Variants in COL6A1 observed in about 807,000 individuals in gnomAD.
COL6A1 encodes the protein collagen alpha-1(VI) chain.
A neutral mutation model predicts 145.6 loss-of-function variants in COL6A1; 80 were observed. That is an observed-to-expected ratio of 0.55 (90% CI 0.46 to 0.66). The LOEUF (loss-of-function observed/expected upper bound fraction) is 0.66. COL6A1 is among the 30% of genes least tolerant of loss of function. The pLI is 0.00. For synonymous variants in COL6A1, 638 were observed against 622.8 expected (o/e 1.02, Z -0.36); for missense variants, 1,364 against 1,473.8 (o/e 0.93, Z 1.22).
Position 46,004,034 on chromosome 21 carries a change from C to T in COL6A1, c.*21C>T. On this transcript the variant is annotated 3_prime_UTR_variant, in exon 35 of 35. Coordinates refer to ENST00000361866, the MANE Select transcript of COL6A1 (RefSeq NM_001848.3). ...GCTAGCCCACCCTGCACGCCGGCAC[C>T]AAACCCTGTCCTCCCACCCCTCCCC... is the stretch of plus-strand genomic sequence containing the variant. 1 of 1,612,938 alleles carries T rather than the reference C, an allele frequency of 6.2e-7. No homozygotes were observed. The highest frequency in any genetic ancestry group is 8.5e-7 in the Non-Finnish European group (1 of 1,179,954).
intron 4 of COL6A1, 57 bp from the exon 5 acceptor site, chr21:45,986,886 CG>C: frequency 1.3e-6 from 2 of 1,534,446 alleles, no homozygotes; most frequent in Non-Finnish European, 1.7e-6. Flanking sequence ...CTGTGGGAAG[CG>C]GCCCCGGCCG....
chr21:45,998,025 G>A, intron 22 of COL6A1, 96 bp from the exon 23 acceptor site: 1 of 1,472,278 alleles, frequency 6.8e-7, no homozygotes, highest in Middle Eastern at 2.1e-4. Flanking sequence ...GGCTGACGGA[G>A]GGGCCCTGCG....
intron 24 of COL6A1, among the ~76,000 whole-genome samples, 176 bp from the exon 25 acceptor site, chr21:45,998,721 C>A (rs760586418): frequency 6.6e-6 from 1 of 152,250 alleles, no homozygotes; most frequent in South Asian, 2.1e-4. Flanking sequence ...CCAGAGGCCG[C>A]CCCACGGCTC....
At position 46,001,272 on chromosome 21, in the gene COL6A1, CG is replaced by C; in HGVS notation, c.1843del (p.Asp615ThrfsTer31). 1 of 1,610,228 alleles carries C rather than the reference CG, an allele frequency of 6.2e-7. No individual in the cohort carries two copies. Among genetic ancestry groups the C allele is most frequent in the Non-Finnish European group, 8.5e-7 (1 of 1,179,680 alleles). ...SCCECKCGPI[D>X]LLFVLDSSES... ...CTGCAGAATGCAAGTGCGGCCCCAT[CG>C]ACCTCCTGTTCGTGCTGGACAGCTC... On this transcript the variant is annotated frameshift_variant, in exon 30 of 35. Transcript: ENST00000361866. LOFTEE classifies it high-confidence loss of function.
Position 45,991,040 on chromosome 21 carries a change from A to G in COL6A1, c.1118A>G (p.Lys373Arg). ...GGTGCCTTTGGACTGAAAGGAGAAAAGGTGAGTGACTTGCGGCCCCTGGAG... is the reference window on the plus strand; with the variant it reads ...GGTGCCTTTGGACTGAAAGGAGAAAGGGTGAGTGACTTGCGGCCCCTGGAG... ...DPGAFGLKGE[K>R]GEPGADGEAG... Residue 373 changes from lysine (K) to arginine (R), a missense_variant and splice_region_variant, in exon 15 of 35, where the codon AAG becomes AGG. Lys to Arg is a conservative substitution (Grantham distance 26). Coordinates refer to ENST00000361866, the MANE Select transcript of COL6A1 (RefSeq NM_001848.3). 6.2e-7 allele frequency: 1 copy of G among 1,613,198 alleles called. No individual in the cohort carries two copies. The highest frequency in any genetic ancestry group is 2.2e-5 in the East Asian group (1 of 44,876).
intron 8 of COL6A1, 135 bp downstream of exon 8, chr21:45,987,789 CGGGG>C: frequency 3.0e-5 from 10 of 331,014 alleles, no homozygotes; most frequent in Admixed American, 1.8e-4. Context: ...GAGGGGACGG[CGGGG>C]GTCCAGATGG....
At position 46,002,631 on chromosome 21, in the gene COL6A1, C is replaced by A. The variant is rs149910296; in HGVS notation, c.2355C>A (p.Gly785=). The A allele has an allele frequency of 8.3e-5, 134 of 1,613,914 alleles. No homozygotes were observed. The highest frequency in any genetic ancestry group is 3.1e-5 in the Non-Finnish European group (36 of 1,180,002). ...QGLAPSQGRP[G]LSLVKENYAE... ...TGGCACCATCCCAGGGCCGGCCCGGCCTCTCGCTGGTCAAGGAGAACTATG... is the reference window on the plus strand; with the variant it reads ...TGGCACCATCCCAGGGCCGGCCCGGACTCTCGCTGGTCAAGGAGAACTATG... Residue 785 remains glycine (G), a synonymous_variant, in exon 33 of 35, where the codon GGC becomes GGA. Transcript: ENST00000361866.
chr21:45,996,152 G>C (rs985440443), intron 20 of COL6A1, among the ~76,000 whole-genome samples: 13 of 152,240 alleles, frequency 8.5e-5, no homozygotes, highest in South Asian at 4.1e-4. Context: ...GTGAGGTCCA[G>C]GCCTTCTGCC....
At position 45,997,742 on chromosome 21, in the gene COL6A1, C is replaced by T; in HGVS notation, c.1504C>T (p.Pro502Ser). 1 of 1,595,542 alleles carries T rather than the reference C, an allele frequency of 6.3e-7. No homozygotes were observed. Among genetic ancestry groups the T allele is most frequent in the Middle Eastern group, 1.7e-4 (1 of 5,820 alleles). Residue 502 changes from proline to serine, a missense_variant, in exon 22 of 35, where the codon CCG becomes TCG. Transcript: ENST00000361866. ...AGGACCTGCCGGACCCCCTGGAGAC[C>T]CGGGGCTGATGGGTGAAAGGGTGAG... The part of the protein sequence containing the change: ...APGPAGPPGD[P>S]GLMGERGEDG...
In COL6A1 at chr21:46,002,419, A is replaced by C. The variant is rs747173773; in HGVS notation, c.2250+18A>C. The stretch of plus-strand genomic sequence containing the variant: ...GCATCCAGGTGGGGTGGCCACCCCC[A>C]GGCTGCACCTGCCCCGCCTAGGGCG... On this transcript the variant is annotated intron_variant, in intron 32 of 34. Coordinates refer to ENST00000361866, the MANE Select transcript of COL6A1 (RefSeq NM_001848.3). The C allele has an allele frequency of 2.5e-6, 4 of 1,609,560 alleles. No homozygotes were observed. The South Asian group carries it at 4.4e-5, about 18-fold the overall frequency.
chr21:45,992,858 C>T (rs1472768081), intron 19 of COL6A1, 48 bp downstream of exon 19: 17 of 1,533,214 alleles, frequency 1.1e-5, no homozygotes, highest in East Asian at 2.4e-5. Flanking sequence ...AAGGGGCAGG[C>T]GGAGGCTGGG....
In COL6A1 at chr21:45,998,530, G is replaced by C. The variant is rs377294772; in HGVS notation, c.1611+97G>C. ...AACACACATGTGCACACAGGCTCCC[G>C]AGCAAACACACGGGGTACACAGGCA... On this transcript the variant is annotated intron_variant, in intron 24 of 34. Coordinates refer to ENST00000361866, the MANE Select transcript of COL6A1 (RefSeq NM_001848.3). 3.9e-6 allele frequency: 6 copies of C among 1,546,478 alleles called. No homozygotes were observed. In the African/African-American group the frequency reaches 5.4e-5, roughly 14 times the overall value.
At chr21:45,982,821 G>A in intron 2 of COL6A1, 58 bp downstream of exon 2, 1 of 1,601,570 alleles carries the variant, frequency 6.2e-7, no homozygotes, top group Non-Finnish European at 8.5e-7. Context: ...GGAGGGAGGG[G>A]TGGGGGCCCA....
chr21:46,003,881 C>G lies in COL6A1; in HGVS notation c.2955C>G (p.Val985=). 6.2e-7 allele frequency: 1 copy of G among 1,601,686 alleles called. No individual in the cohort carries two copies. The highest frequency in any genetic ancestry group is 8.5e-7 in the Non-Finnish European group (1 of 1,171,564). The part of the protein sequence containing the change: ...GRQVNEPHIR[V]LVTGKTAEYD... ...AGGTGAATGAGCCCCACATCCGCGT[C>G]CTGGTCACCGGCAAGACGGCCGAGT... Residue 985 remains valine (V), a synonymous_variant, in exon 35 of 35, where the codon GTC becomes GTG. Coordinates refer to ENST00000361866, the MANE Select transcript of COL6A1 (RefSeq NM_001848.3).
chr21:45,992,327 C>A lies in COL6A1; in HGVS notation c.1237-36C>A, dbSNP rs763819477. The A allele has an allele frequency of 9.3e-6, 15 of 1,613,804 alleles. No individual in the cohort carries two copies. The East Asian group carries it at 3.3e-4, about 36-fold the overall frequency. On this transcript the variant is annotated intron_variant, in intron 17 of 34. Coordinates refer to ENST00000361866, the MANE Select transcript of COL6A1 (RefSeq NM_001848.3). ...CTGAGACCAAATGCAGTGTGTCCAC[C>A]AGACTAACGCCGGCGTCTGTTTCTC...
intron 24 of COL6A1, 24 bp from the exon 25 acceptor site, chr21:45,998,873 C>T: frequency 6.4e-7 from 1 of 1,551,610 alleles, no homozygotes; most frequent in South Asian, 1.2e-5. Flanking sequence ...CCCTTGTTAA[C>T]CAAGTGCTCT....
intron 9 of COL6A1, 72 bp from the exon 10 acceptor site, chr21:45,989,536 G>A: frequency 1.4e-6 from 2 of 1,477,384 alleles, no homozygotes; most frequent in Non-Finnish European, 1.9e-6. Context: ...AGGGAGGGGT[G>A]TGGGGCTGGG....
intron 1 of COL6A1, 102 bp from the exon 2 acceptor site, chr21:45,982,532 G>T: frequency 1.9e-6 from 3 of 1,556,138 alleles, no homozygotes; most frequent in Non-Finnish European, 2.6e-6. Context: ...CGGGCCCGGG[G>T]CTCTGTGCTG....
In COL6A1 at chr21:45,991,990, A is replaced by C. The variant is rs1297295378; in HGVS notation, c.1120-20A>C. 1.3e-6 allele frequency: 2 copies of C among 1,564,806 alleles called. No homozygotes were observed. Among genetic ancestry groups the C allele is most frequent in the East Asian group, 4.8e-5 (2 of 42,068 alleles). ...GTGCACACCCCTGCCAGCGTGTGTG[A>C]CTCCCCCGGTCTTCCCCAGGGCGAG... On this transcript the variant is annotated intron_variant, in intron 15 of 34. Coordinates refer to ENST00000361866, the MANE Select transcript of COL6A1 (RefSeq NM_001848.3).
Sources: gnomAD v4.1 joint callset for allele counts (sites outside exome capture counted in the v4.1 genomes callset) on GRCh38, gnomAD v4.1.1 for gene constraint, MANE v1.5 for transcripts, NCBI Gene and HGNC (gene_info 2026-07-23, HGNC 2026-07-21) for gene names.